The following MARCHF10 variants were observed in gnomAD, a reference collection of about 807,000 sequenced individuals.
MARCHF10 encodes probable E3 ubiquitin-protein ligase MARCHF10.
MARCHF10 carries 64 observed loss-of-function variants against 76.2 expected under a neutral mutation model. The observed-to-expected ratio is 0.84, with a 90% CI of 0.69 to 1.03. The LOEUF is 1.03. Among genes scored for constraint, MARCHF10 ranks in the 50% least tolerant of loss-of-function variants. The pLI is 0.00. For synonymous variants in MARCHF10, 340 were observed against 357.5 expected, an observed-to-expected ratio of 0.95 and a Z score of 0.55; for missense variants, 875 against 958.0, an observed-to-expected ratio of 0.91 and a Z score of 1.14.
intron 10 of MARCHF10, among the ~76,000 whole-genome samples, chr17:62,704,188 G>C (rs1482609638): frequency 6.6e-6 from 1 of 151,542 alleles, no homozygotes; most frequent in African/African-American, 2.4e-5. Flanking sequence ...GCGGAGGCTG[G>C]GACGCGCGGG....
intron 3 of MARCHF10, among the ~76,000 whole-genome samples, chr17:62,784,181 C>T (rs2092708860): frequency 6.6e-6 from 1 of 152,218 alleles, no homozygotes; most frequent in Admixed American, 6.5e-5. Flanking sequence ...CCACCATGAT[C>T]AAGTCCGCTT....
rs565602465 is a variant in MARCHF10, at chr17:62,721,112, G to A, written c.2214+1376C>T. Among the ~76,000 whole-genome samples, 8 of 152,122 alleles carry A rather than the reference G, an allele frequency of 5.3e-5. No homozygotes were observed. The East Asian group carries it at 5.8e-4, about 11-fold the overall frequency. On this transcript the variant is annotated intron_variant, in intron 8 of 10. Coordinates refer to ENST00000311269, the MANE Select transcript of MARCHF10 (RefSeq NM_152598.4). ...TCAAACTCCTGACTTCAAGTGATCC[G>A]CCCACCTTGGCCTCCCAAAGTGCTG... is the stretch of plus-strand genomic sequence containing the variant.
At chr17:62,735,748 C>A in intron 6 of MARCHF10, 183 bp downstream of exon 6, 1 of 598,464 alleles carries the variant, frequency 1.7e-6, no homozygotes, top group Non-Finnish European at 2.8e-6. Context: ...CCAGACTTTT[C>A]TTTATAAATA....
At chr17:62,704,679 G>A (rs1427659755) in intron 10 of MARCHF10, among the ~76,000 whole-genome samples, 1 of 152,236 alleles carries the variant, frequency 6.6e-6, no homozygotes, top group African/African-American at 2.4e-5. Context: ...CCACCCCATC[G>A]CCTGAAGCGG....
intron 3 of MARCHF10, among the ~76,000 whole-genome samples, chr17:62,769,136 T>C (rs1367708495): frequency 6.6e-6 from 1 of 152,226 alleles, no homozygotes; most frequent in Admixed American, 6.5e-5. Flanking sequence ...TTCTTTATAA[T>C]ATCCTATCAG....
In MARCHF10 at chr17:62,737,253, T is replaced by A; in HGVS notation, c.615A>T (p.Pro205=). 1 of 1,613,966 alleles carries A rather than the reference T, an allele frequency of 6.2e-7. No individual in the cohort carries two copies. Among genetic ancestry groups the A allele is most frequent in the South Asian group, 1.1e-5 (1 of 91,032 alleles). Reference sequence around the variant, plus strand: ...CGTTCTCAGTCATTGGCTGTGACGATGGGACCAAGTTTCTTCTCTCTTGAT... The same window carrying A: ...CGTTCTCAGTCATTGGCTGTGACGAAGGGACCAAGTTTCTTCTCTCTTGAT... ...RPNQERRNLV[P]SSQPMTENAP... Residue 205 remains proline (P), a synonymous_variant, in exon 6 of 11, where the codon CCA becomes CCT. Coordinates refer to ENST00000311269, the MANE Select transcript of MARCHF10 (RefSeq NM_152598.4).
intron 2 of MARCHF10, among the ~76,000 whole-genome samples, chr17:62,790,935 G>A (rs1350087090): frequency 2.0e-5 from 3 of 152,228 alleles, no homozygotes; most frequent in Non-Finnish European, 4.4e-5. Flanking sequence ...TGGGGAGAGA[G>A]ATGCAGCTTC....
intron 2 of MARCHF10, among the ~76,000 whole-genome samples, chr17:62,800,080 T>G (rs1025644111): frequency 5.9e-5 from 9 of 152,198 alleles, no homozygotes; most frequent in African/African-American, 2.2e-4. Flanking sequence ...CCTTACACAT[T>G]TCTACTTGTG....
chr17:62,793,051 G>A (rs190621417), intron 2 of MARCHF10, among the ~76,000 whole-genome samples: 1,021 of 88,128 alleles, frequency 0.012, 5 homozygotes, highest in African/African-American at 0.043. Context: ...TACCACCAAC[G>A]CCTCCATCAC....
chr17:62,745,491 G>A (rs954592792), intron 4 of MARCHF10, among the ~76,000 whole-genome samples: 13 of 152,120 alleles, frequency 8.5e-5, no homozygotes, highest in Admixed American at 6.6e-4. Flanking sequence ...GTTGGGACAC[G>A]CAATGGCCCT....
intron 3 of MARCHF10, among the ~76,000 whole-genome samples, chr17:62,774,794 G>A (rs180864078): frequency 1.3e-5 from 2 of 152,182 alleles, no homozygotes; most frequent in East Asian, 2.0e-4. Context: ...GGTGGCTCAC[G>A]CCTGTAATCT....
At chr17:62,774,653 T>C (rs1475330093) in intron 3 of MARCHF10, among the ~76,000 whole-genome samples, 1 of 152,126 alleles carries the variant, frequency 6.6e-6, no homozygotes, top group Admixed American at 6.5e-5. Flanking sequence ...CCACCCCTCC[T>C]TGACTCAGAG....
chr17:62,767,752 G>T (rs771938478), intron 3 of MARCHF10, among the ~76,000 whole-genome samples: 1 of 152,020 alleles, frequency 6.6e-6, no homozygotes, highest in Non-Finnish European at 1.5e-5. Flanking sequence ...GTAATGCCCG[G>T]CCCTGTATTC....
In MARCHF10 at chr17:62,736,097, C is replaced by G. The variant is rs759028352; in HGVS notation, c.1771G>C (p.Val591Leu). ...SRMNSEGHLHVSGSLQENTPF... is the reference protein window; with the variant it reads ...SRMNSEGHLHLSGSLQENTPF... ...GTATTTTCTTGCAGAGACCCAGACA[C>G]ATGCAAATGGCCTTCTGAGTTCATT... Residue 591 changes from valine (V) to leucine (L), a missense_variant, in exon 6 of 11, where the codon GTG (valine) becomes CTG (leucine). Coordinates refer to ENST00000311269, the MANE Select transcript of MARCHF10 (RefSeq NM_152598.4). 1.2e-6 allele frequency: 2 copies of G among 1,614,208 alleles called. No homozygotes were observed. Among genetic ancestry groups the G allele is most frequent in the Non-Finnish European group, 1.7e-6 (2 of 1,180,042 alleles).
At chr17:62,744,265 C>T (rs2091621618) in intron 5 of MARCHF10, 111 bp downstream of exon 5, 20 of 1,189,400 alleles carry the variant, frequency 1.7e-5, no homozygotes, top group Non-Finnish European at 2.4e-5. Context: ...GTACATGCAC[C>T]TCATTTACTT....
chr17:62,767,012 G>T (rs1361882620), intron 3 of MARCHF10, among the ~76,000 whole-genome samples: 1 of 152,154 alleles, frequency 6.6e-6, no homozygotes, highest in Non-Finnish European at 1.5e-5. Flanking sequence ...GTCTGGCTAG[G>T]CTGGAGGTAG....
At chr17:62,785,477 A>G (rs1568207333) in intron 3 of MARCHF10, among the ~76,000 whole-genome samples, 1 of 152,346 alleles carries the variant, frequency 6.6e-6, no homozygotes, top group South Asian at 2.1e-4. Flanking sequence ...CAAGGACTTC[A>G]TGTCTAAAAC....
At position 62,701,581 on chromosome 17, in the gene MARCHF10, TCTAA is replaced by T; in HGVS notation, c.*118_*121del. 2 of 1,587,848 alleles carry T rather than the reference TCTAA, an allele frequency of 1.3e-6. No homozygotes were observed. Among genetic ancestry groups the T allele is most frequent in the Non-Finnish European group, 1.7e-6 (2 of 1,170,344 alleles). The stretch of plus-strand genomic sequence containing the variant: ...AAAAGAGAGTGGCACGAGGTGAAAA[TCTAA>T]CTGTGAACGCTTTGGTTTCAGTTTC... On this transcript the variant is annotated 3_prime_UTR_variant, in exon 11 of 11. Transcript: ENST00000311269.
chr17:62,712,048 A>C lies in MARCHF10; in HGVS notation c.2215-704T>G, dbSNP rs140069059. Among the ~76,000 whole-genome samples, 78 of 152,288 alleles carry C rather than the reference A, an allele frequency of 5.1e-4. 1 individual carries two copies. Among genetic ancestry groups the C allele is most frequent in the African/African-American group, 1.8e-3 (74 of 41,574 alleles). ...CCCATGGCACTTCTCTGTCCTTAGC[A>C]CTTGGGCTTTGCTGCCAAGAGTGGC... is the stretch of plus-strand genomic sequence containing the variant. On this transcript the variant is annotated intron_variant, in intron 8 of 10. Transcript: ENST00000311269. The surrounding 1 kb of genome is among the most constrained non-coding windows in gnomAD (Gnocchi z 4.2).
Sources: allele counts gnomAD v4.1 joint callset (sites outside exome capture counted in the v4.1 genomes callset), GRCh38; gene constraint gnomAD v4.1.1; non-coding constraint Gnocchi (gnomAD v3.1); transcripts MANE v1.5; gene names NCBI Gene and HGNC (gene_info 2026-07-23, HGNC 2026-07-21).